The following PBX1 variants were observed in gnomAD, a reference collection of about 807,000 sequenced individuals.
PBX1 encodes PBX homeobox 1.
Under a neutral mutation model 53.4 loss-of-function variants are expected in PBX1, and 6 were observed. The ratio of observed to expected loss-of-function variants is 0.11; its 90% CI spans 0.06 to 0.22. The LOEUF (loss-of-function observed/expected upper bound fraction) is 0.22. Among genes scored for constraint, PBX1 ranks in the 10% least tolerant of loss-of-function variants. The pLI is 1.00. For missense variants in PBX1, 251 were observed against 551.4 expected (o/e 0.46, Z 5.46); for synonymous variants, 204 against 212.3 (o/e 0.96, Z 0.34).
intron 2 of PBX1, among the ~76,000 whole-genome samples, chr1:164,727,305 A>G (rs188148824): frequency 3.9e-4 from 59 of 152,344 alleles, no homozygotes; most frequent in South Asian, 1.5e-3. Context: ...GTAAGATTCT[A>G]GAAGACAGGG....
intron 8 of PBX1, among the ~76,000 whole-genome samples, chr1:164,825,393 G>C (rs16835236): frequency 0.019 from 2,830 of 152,174 alleles, 90 homozygotes; most frequent in African/African-American, 0.065. Context: ...CATGTGTATG[G>C]TCCTAAAAAT....
intron 2 of PBX1, chr1:164,683,048 G>A (rs1661880262): frequency 6.6e-6 from 1 of 152,190 alleles, no homozygotes; most frequent in South Asian, 2.1e-4. Flanking sequence ...AAGCCTCCAA[G>A]AGAGTGGTGA....
chr1:164,718,969 T>C (rs1664262113), intron 2 of PBX1, among the ~76,000 whole-genome samples: 1 of 152,164 alleles, frequency 6.6e-6, no homozygotes, highest in Non-Finnish European at 1.5e-5. Flanking sequence ...TCAGCTTTAC[T>C]GAGTAAGGAG....
intron 2 of PBX1, among the ~76,000 whole-genome samples, chr1:164,701,052 G>A (rs1663090188): frequency 6.6e-6 from 1 of 152,174 alleles, no homozygotes. Context: ...CATTATTTCT[G>A]TTAGTAATGA....
chr1:164,569,106 T>C (rs1571235539), intron 2 of PBX1, among the ~76,000 whole-genome samples: 1 of 152,356 alleles, frequency 6.6e-6, no homozygotes, highest in East Asian at 1.9e-4. Flanking sequence ...GTGCTAGTTC[T>C]GGACCTTCTA....
chr1:164,709,662 A>G (rs1386200842), intron 2 of PBX1, among the ~76,000 whole-genome samples: 1 of 152,098 alleles, frequency 6.6e-6, no homozygotes, highest in Non-Finnish European at 1.5e-5. Context: ...AACCTAAACT[A>G]TATTTTGTTG....
At chr1:164,770,904 A>G (rs1215156200) in intron 2 of PBX1, 2 of 152,168 alleles carry the variant, frequency 1.3e-5, no homozygotes, top group African/African-American at 4.8e-5. Flanking sequence ...TGTTGGGCCA[A>G]TCCTTTTCAG....
chr1:164,771,735 C>T (rs1197906085), intron 2 of PBX1, among the ~76,000 whole-genome samples: 1 of 152,080 alleles, frequency 6.6e-6, no homozygotes, highest in African/African-American at 2.4e-5. Flanking sequence ...AAACACAGCT[C>T]ATGTGACACA....
chr1:164,737,303 A>T (rs1418248294), intron 2 of PBX1, among the ~76,000 whole-genome samples: 1 of 152,186 alleles, frequency 6.6e-6, no homozygotes, highest in African/African-American at 2.4e-5. Context: ...TAAAAAACTA[A>T]ATTAGGATGA....
chr1:164,608,586 C>G (rs531072360), intron 2 of PBX1, among the ~76,000 whole-genome samples: 1 of 152,288 alleles, frequency 6.6e-6, no homozygotes, highest in Admixed American at 6.5e-5. Flanking sequence ...CTCTATTAGA[C>G]AGATGAGGAA....
At chr1:164,620,353 A>G (rs756962118) in intron 2 of PBX1, among the ~76,000 whole-genome samples, 4 of 152,232 alleles carry the variant, frequency 2.6e-5, no homozygotes, top group Non-Finnish European at 5.9e-5. Context: ...TTGTTAGTGT[A>G]ATTCTAGCTA....
At chr1:164,673,521 A>G (rs986638131) in intron 2 of PBX1, among the ~76,000 whole-genome samples, 17 of 124,496 alleles carry the variant, frequency 1.4e-4, no homozygotes, top group Non-Finnish European at 1.9e-4. Context: ...CCTGGGCTGG[A>G]GTGCAGTGGC....
At chr1:164,870,582 G>C (rs1442930216) in intron 2 of PBX1, among the ~76,000 whole-genome samples, 2 of 151,920 alleles carry the variant, frequency 1.3e-5, no homozygotes, top group African/African-American at 4.8e-5. Flanking sequence ...GACCTCAAGT[G>C]ATCCACCCGC....
At chr1:164,764,410 A>G (rs976554356) in intron 2 of PBX1, among the ~76,000 whole-genome samples, 2 of 152,060 alleles carry the variant, frequency 1.3e-5, no homozygotes, top group African/African-American at 2.4e-5. Context: ...TCTTAATATG[A>G]TTTTCCTTAG....
intron 7 of PBX1, 110 bp downstream of exon 7, chr1:164,820,294 A>G (rs1670090921): frequency 1.5e-6 from 1 of 666,786 alleles, no homozygotes; most frequent in Non-Finnish European, 2.6e-6. Context: ...ACAGATCAGA[A>G]CCAAAACCTT....
intron 2 of PBX1, among the ~76,000 whole-genome samples, chr1:164,790,443 A>C (rs995224226): frequency 2.0e-5 from 3 of 152,158 alleles, no homozygotes; most frequent in Non-Finnish European, 4.4e-5. Flanking sequence ...TTCAGGTTTG[A>C]AGAGAGAAGA....
intron 2 of PBX1, among the ~76,000 whole-genome samples, chr1:164,868,615 A>G (rs1672276018): frequency 6.6e-6 from 1 of 152,202 alleles, no homozygotes; most frequent in Non-Finnish European, 1.5e-5. Flanking sequence ...ACGAGCATGA[A>G]GAAAATCTTT....
rs968478422 is a variant in PBX1 at position 164,851,763 on chromosome 1, T to C, written c.*5087T>C. ...AATGATACTAACACGGTGTAGGTTTTACAGTCTCCTAATTTGTACTGGTAA... is the reference window on the plus strand; with the variant it reads ...AATGATACTAACACGGTGTAGGTTTCACAGTCTCCTAATTTGTACTGGTAA... On this transcript the variant is annotated 3_prime_UTR_variant, in exon 9 of 9. Transcript: ENST00000420696. 1 of 178,252 alleles carries C rather than the reference T, an allele frequency of 5.6e-6. No individual in the cohort carries two copies. Among genetic ancestry groups the C allele is most frequent in the Non-Finnish European group, 1.2e-5 (1 of 83,040 alleles). The allele number at this position is 178,252 out of a possible 1,614,324, so 11.0% of individuals were successfully genotyped here. A position where few individuals can be genotyped will look rare whatever the true frequency, so the allele number is the denominator to read the frequency against.
At chr1:164,875,988 G>GTATATA (rs369277110) in intron 2 of PBX1, among the ~76,000 whole-genome samples, 1,889 of 56,732 alleles carry the variant, frequency 0.033, 224 homozygotes, top group Middle Eastern at 0.13. Flanking sequence ...TGGTGTATGT[G>GTATATA]TATATATATA....
Sources: gnomAD v4.1 joint callset for allele counts (sites outside exome capture counted in the v4.1 genomes callset) on GRCh38, gnomAD v4.1.1 for gene constraint, MANE v1.5 for transcripts, NCBI Gene and HGNC (gene_info 2026-07-23, HGNC 2026-07-21) for gene names.